The following TMCO5A variants were observed in gnomAD, a reference collection of about 807,000 sequenced individuals.
The protein encoded by TMCO5A is transmembrane and coiled-coil domains 5A.
In TMCO5A, 34 loss-of-function variants were observed where a neutral mutation model predicts 42.3. That is an observed-to-expected ratio of 0.80 (90% CI 0.61 to 1.07). The LOEUF (loss-of-function observed/expected upper bound fraction) is 1.07. Ranked by LOEUF, TMCO5A falls within the 50% of genes least tolerant of loss-of-function variation. The probability of loss-of-function intolerance (pLI) is 0.00; values close to 1 mark genes in which losing one functional copy is unlikely to be tolerated. For synonymous variants in TMCO5A, 131 were observed against 115.6 expected (o/e 1.13, Z -0.86); for missense variants, 357 against 327.9 (o/e 1.09, Z -0.69).
At chr15:37,996,679 A>G in the TMCO5A span, among the ~76,000 whole-genome samples, 5 of 152,202 alleles carry the variant, frequency 3.3e-5, no homozygotes, top group Non-Finnish European at 5.9e-5. Flanking sequence ...CAACTTTAGA[A>G]AGGGAGAACC....
chr15:37,996,552 G>C, the TMCO5A span, among the ~76,000 whole-genome samples: 4 of 152,118 alleles, frequency 2.6e-5, no homozygotes, highest in African/African-American at 9.7e-5. Context: ...GGGTAATCTT[G>C]TTAAGCATGC....
chr15:37,954,365 A>G (rs115168967), downstream of TMCO5A, among the ~76,000 whole-genome samples: 3,026 of 152,232 alleles, frequency 0.02, 104 homozygotes, highest in African/African-American at 0.069. Context: ...AGACATTTCA[A>G]TGAAAATCTT....
chr15:37,973,069 A>G, the TMCO5A span, among the ~76,000 whole-genome samples: 1 of 152,036 alleles, frequency 6.6e-6, no homozygotes, highest in Non-Finnish European at 1.5e-5. Context: ...CAACTTTGTC[A>G]AAGATCAGAC....
chr15:38,033,143 T>C, the TMCO5A span, among the ~76,000 whole-genome samples: 1 of 152,096 alleles, frequency 6.6e-6, no homozygotes, highest in Non-Finnish European at 1.5e-5. Context: ...TTAGCCAGGA[T>C]GGTCTCGATT....
In TMCO5A at chr15:37,943,592, T is replaced by C. The variant is rs115375654; in HGVS notation, c.627+194T>C. ...CTCTAAGGAACAATCTACTTTCTTC[T>C]CATTCAGCCATACAAATAACAGGCT... On this transcript the variant is annotated intron_variant, in intron 10 of 11. Transcript: ENST00000319669. 8.0e-3 allele frequency: 4,396 copies of C among 549,830 alleles called. 159 individuals carry two copies. Among genetic ancestry groups the C allele is most frequent in the African/African-American group, 0.072 (3,744 of 52,360 alleles). 34.1% of individuals were successfully genotyped at this position (549,830 alleles called of 1,614,324 possible).
downstream of TMCO5A, among the ~76,000 whole-genome samples, chr15:37,972,469 T>G (rs900553086): frequency 4.6e-5 from 7 of 152,214 alleles, no homozygotes; most frequent in Non-Finnish European, 8.8e-5. Context: ...TTTTTAATAA[T>G]AGCCATTCTG....
the TMCO5A span, among the ~76,000 whole-genome samples, chr15:38,030,188 G>A: frequency 6.6e-6 from 1 of 152,148 alleles, no homozygotes; most frequent in East Asian, 1.9e-4. Context: ...TCCTAGCCCT[G>A]TGGGCGATTC....
chr15:37,938,728 G>A (rs541840718), intron 6 of TMCO5A, among the ~76,000 whole-genome samples: 4 of 151,986 alleles, frequency 2.6e-5, no homozygotes, highest in African/African-American at 4.8e-5. Flanking sequence ...CTGAGTGCTC[G>A]GCAATTTATG....
intron 8 of TMCO5A, 124 bp downstream of exon 8, chr15:37,941,854 C>T (rs1889758616): frequency 1.2e-6 from 1 of 803,240 alleles, no homozygotes; most frequent in African/African-American, 1.7e-5. Context: ...TACTAGGATA[C>T]TTTAAGGTCA....
the TMCO5A span, among the ~76,000 whole-genome samples, chr15:37,998,432 C>T: frequency 1.3e-5 from 2 of 152,130 alleles, no homozygotes; most frequent in African/African-American, 4.8e-5. Context: ...ATCCAGTTTT[C>T]CCAGCACCGT....
downstream of TMCO5A, among the ~76,000 whole-genome samples, chr15:37,956,234 A>G (rs1024561847): frequency 6.6e-6 from 1 of 152,192 alleles, no homozygotes; most frequent in African/African-American, 2.4e-5. Flanking sequence ...AAGGCAAGAA[A>G]TAACTAAGAA....
the TMCO5A span, among the ~76,000 whole-genome samples, chr15:38,034,094 G>C: frequency 6.6e-6 from 1 of 152,168 alleles, no homozygotes; most frequent in Admixed American, 6.5e-5. Flanking sequence ...ATGGTGCCTT[G>C]TTGCTGCATA....
chr15:37,999,940 G>A, the TMCO5A span, among the ~76,000 whole-genome samples: 34 of 152,042 alleles, frequency 2.2e-4, no homozygotes, highest in Non-Finnish European at 3.8e-4. Flanking sequence ...ATTTTGTTGA[G>A]GATTTTTACA....
chr15:37,945,589 T>C (rs891168445), intron 10 of TMCO5A, among the ~76,000 whole-genome samples: 2 of 152,188 alleles, frequency 1.3e-5, no homozygotes, highest in African/African-American at 2.4e-5. Flanking sequence ...AGATGGTTTT[T>C]CATTGTGGTT....
At chr15:38,036,773 A>G in the TMCO5A span, among the ~76,000 whole-genome samples, 1 of 152,180 alleles carries the variant, frequency 6.6e-6, no homozygotes, top group East Asian at 1.9e-4. Context: ...TAGAGGACTT[A>G]TATCATGGTA....
At chr15:37,952,715 T>C (rs1019681527), downstream of TMCO5A, among the ~76,000 whole-genome samples, 2 of 152,208 alleles carry the variant, frequency 1.3e-5, no homozygotes, top group African/African-American at 4.8e-5. Flanking sequence ...GGACTTTGTC[T>C]TCCAGCTTGG....
downstream of TMCO5A, among the ~76,000 whole-genome samples, chr15:37,968,263 C>T (rs1477689463): frequency 2.0e-5 from 3 of 152,172 alleles, no homozygotes; most frequent in Non-Finnish European, 4.4e-5. Context: ...CTCCCTCACC[C>T]TTGCTTCTCC....
the TMCO5A span, among the ~76,000 whole-genome samples, chr15:38,008,051 A>G: frequency 0.017 from 2,642 of 151,468 alleles, 65 homozygotes; most frequent in African/African-American, 0.06. Context: ...GCCTGCCACC[A>G]CGCCTGGCTA....
At chr15:37,959,811 C>T (rs1422362120) in intron 11 of TMCO5A, among the ~76,000 whole-genome samples, 1 of 151,830 alleles carries the variant, frequency 6.6e-6, no homozygotes, top group African/African-American at 2.4e-5. Flanking sequence ...CAGTATAGTA[C>T]TGGACATCCT....
Sources: allele counts gnomAD v4.1 joint callset (sites outside exome capture counted in the v4.1 genomes callset), GRCh38; gene constraint gnomAD v4.1.1; transcripts MANE v1.5; gene names NCBI Gene and HGNC (gene_info 2026-07-23, HGNC 2026-07-21).